The following TMOD3 variants were observed in gnomAD, a reference collection of about 807,000 sequenced individuals.
The protein encoded by TMOD3 is tropomodulin 3.
In TMOD3, 20 loss-of-function variants were observed where a neutral mutation model predicts 39.2. The observed-to-expected ratio is 0.51, with a 90% CI of 0.36 to 0.74. The LOEUF is 0.74. Ranked by LOEUF, TMOD3 falls within the 30% of genes least tolerant of loss-of-function variation. The probability of loss-of-function intolerance (pLI) is 0.00; values close to 1 mark genes in which losing one functional copy is unlikely to be tolerated. For missense variants in TMOD3, 381 were observed against 412.8 expected, an observed-to-expected ratio of 0.92 and a Z score of 0.67; for synonymous variants, 143 against 145.8, an observed-to-expected ratio of 0.98 and a Z score of 0.14.
rs560932960 is a variant in TMOD3 at position 51,883,363 on chromosome 15, TA to T, written c.284-4218del. On this transcript the variant is annotated intron_variant, in intron 3 of 9. Transcript: ENST00000308580. ...TTTTAAGGAATGTGGATAAGGATTA[TA>T]AAAAAAATAAGCATCTTAGATTTTT... Among the ~76,000 whole-genome samples, 668 of 152,108 alleles carry T rather than the reference TA, an allele frequency of 4.4e-3. 6 individuals carry two copies. The highest frequency in any genetic ancestry group is 0.01 in the African/African-American group (427 of 41,518).
intron 3 of TMOD3, among the ~76,000 whole-genome samples, chr15:51,874,131 A>C (rs915100387): frequency 6.6e-6 from 1 of 152,194 alleles, no homozygotes; most frequent in African/African-American, 2.4e-5. Context: ...TTTCACATTT[A>C]GTTTTTCCTT....
At chr15:51,868,066 G>A (rs1323474702) in intron 2 of TMOD3, among the ~76,000 whole-genome samples, 1 of 152,146 alleles carries the variant, frequency 6.6e-6, no homozygotes, top group African/African-American at 2.4e-5. Context: ...TAGTGGTCAT[G>A]TATATATGTA....
At chr15:51,895,079 G>A (rs949723586) in intron 6 of TMOD3, among the ~76,000 whole-genome samples, 5 of 151,996 alleles carry the variant, frequency 3.3e-5, no homozygotes, top group East Asian at 1.9e-4. Flanking sequence ...TTTTGAAGTC[G>A]AGGACAAGTG....
chr15:51,908,755 T>G, intron 9 of TMOD3, 21 bp from the exon 10 acceptor site: 1 of 1,585,658 alleles, frequency 6.3e-7, no homozygotes. Flanking sequence ...TCTAACATAG[T>G]TTCTTTTATT....
At chr15:51,905,957 A>AAAG (rs2056677659) in intron 9 of TMOD3, among the ~76,000 whole-genome samples, 3 of 121,308 alleles carry the variant, frequency 2.5e-5, no homozygotes, top group African/African-American at 1.0e-4. Context: ...TCTCAAAAAA[A>AAAG]AAAAAAAAAA....
intron 9 of TMOD3, among the ~76,000 whole-genome samples, chr15:51,904,197 T>C (rs2056666554): frequency 6.6e-6 from 1 of 152,244 alleles, no homozygotes; most frequent in Non-Finnish European, 1.5e-5. Flanking sequence ...TAAGCAGGTG[T>C]GCCCCATATG....
At chr15:51,897,823 G>A (rs79324771) in intron 7 of TMOD3, among the ~76,000 whole-genome samples, 2,125 of 146,718 alleles carry the variant, frequency 0.014, 56 homozygotes, top group East Asian at 0.072. Flanking sequence ...AATCATTCTC[G>A]ACATCCCTTT....
At chr15:51,876,525 G>C (rs1377686577) in intron 3 of TMOD3, among the ~76,000 whole-genome samples, 1 of 147,728 alleles carries the variant, frequency 6.8e-6, no homozygotes, top group Admixed American at 6.8e-5. Context: ...GCAGTGGTGT[G>C]ATCTCGGCTC....
intron 1 of TMOD3, among the ~76,000 whole-genome samples, chr15:51,841,534 A>G (rs1252248320): frequency 1.3e-5 from 2 of 152,166 alleles, no homozygotes; most frequent in Non-Finnish European, 2.9e-5. Context: ...AACCTATCCC[A>G]AAGCAGACCT....
chr15:51,911,128 C>T lies in TMOD3; in HGVS notation c.*2318C>T, dbSNP rs575535947. On this transcript the variant is annotated 3_prime_UTR_variant, in exon 10 of 10. Coordinates refer to ENST00000308580, the MANE Select transcript of TMOD3 (RefSeq NM_014547.5). ...AGAATTGGTCACCTAGACTTTCAGTCAGGCATCCTCGTTTGCATTGTCCTG... is the reference window on the plus strand; with the variant it reads ...AGAATTGGTCACCTAGACTTTCAGTTAGGCATCCTCGTTTGCATTGTCCTG... The T allele has an allele frequency of 6.6e-6, 1 of 152,214 alleles. No individual in the cohort carries two copies. The highest frequency in any genetic ancestry group is 1.5e-5 in the Non-Finnish European group (1 of 68,048). The allele number at this position is 152,214 out of a possible 1,614,324, so 9.4% of individuals were successfully genotyped here.
Position 51,869,298 on chromosome 15 carries a change from C to T in TMOD3, c.208C>T (p.Leu70Phe), listed in dbSNP as rs1321779402. Residue 70 changes from leucine (L) to phenylalanine (F), a missense_variant, in exon 3 of 10, where the codon CTT becomes TTT. Physicochemically the swap from Leu to Phe is conservative, Grantham distance 22. Transcript: ENST00000308580. Reference protein sequence around the residue: ...TTGPFDREHLLSYLEKEALEH... With the variant: ...TTGPFDREHLFSYLEKEALEH... ...AGGGCCATTTGATAGAGAGCATCTC[C>T]TTTCATATCTGGAGAAAGAAGCATT... is the stretch of plus-strand genomic sequence containing the variant. 2.5e-6 allele frequency: 4 copies of T among 1,614,144 alleles called. No individual in the cohort carries two copies. The highest frequency in any genetic ancestry group is 1.7e-6 in the Non-Finnish European group (2 of 1,180,012).
intron 1 of TMOD3, among the ~76,000 whole-genome samples, chr15:51,839,022 G>C (rs2056300068): frequency 6.6e-6 from 1 of 152,170 alleles, no homozygotes; most frequent in African/African-American, 2.4e-5. Context: ...AATAAGGGGT[G>C]GGTCCCCCCA....
intron 7 of TMOD3, among the ~76,000 whole-genome samples, chr15:51,899,319 C>T (rs577582533): frequency 1.1e-4 from 16 of 152,216 alleles, no homozygotes; most frequent in East Asian, 3.9e-4. Flanking sequence ...ATGTCACCAA[C>T]GGGGAATTAC....
chr15:51,908,631 T>C, intron 9 of TMOD3, 145 bp from the exon 10 acceptor site: 1 of 427,438 alleles, frequency 2.3e-6, no homozygotes, highest in Non-Finnish European at 4.0e-6. Context: ...TTTTTTTTAA[T>C]TAGTGGTCAT....
At chr15:51,830,689 C>G (rs1424361348) in intron 1 of TMOD3, among the ~76,000 whole-genome samples, 1 of 152,158 alleles carries the variant, frequency 6.6e-6, no homozygotes, top group Non-Finnish European at 1.5e-5. Context: ...TGCAGCCTCC[C>G]TTGGTTTGTA....
chr15:51,838,504 C>G (rs1312604233), intron 1 of TMOD3, among the ~76,000 whole-genome samples: 3 of 152,102 alleles, frequency 2.0e-5, no homozygotes, highest in Non-Finnish European at 2.9e-5. Flanking sequence ...GTGAAATGAC[C>G]TACCACTGGT....
chr15:51,878,223 G>T (rs1481643688), intron 3 of TMOD3, among the ~76,000 whole-genome samples: 1 of 152,166 alleles, frequency 6.6e-6, no homozygotes, highest in African/African-American at 2.4e-5. Context: ...TTGCCTGATG[G>T]CCAGTGTCTT....
intron 1 of TMOD3, among the ~76,000 whole-genome samples, chr15:51,835,817 GC>G (rs2056280063): frequency 1.3e-5 from 2 of 151,962 alleles, no homozygotes; most frequent in South Asian, 4.2e-4. Flanking sequence ...TTCTTTCCAG[GC>G]CTGATTCATT....
At chr15:51,843,685 A>C (rs1324506917) in intron 1 of TMOD3, among the ~76,000 whole-genome samples, 1 of 152,108 alleles carries the variant, frequency 6.6e-6, no homozygotes, top group Non-Finnish European at 1.5e-5. Context: ...TAGGGCTTTG[A>C]AGAGCCTGCA....
Sources: gnomAD v4.1 joint callset for allele counts (sites outside exome capture counted in the v4.1 genomes callset) on GRCh38, gnomAD v4.1.1 for gene constraint, MANE v1.5 for transcripts, NCBI Gene and HGNC (gene_info 2026-07-23, HGNC 2026-07-21) for gene names.